The following GNAO1 variants were observed in gnomAD, a reference collection of about 807,000 sequenced individuals.
GNAO1 encodes the protein guanine nucleotide-binding protein G(o) subunit alpha.
For synonymous variants in GNAO1, 164 were observed against 180.7 expected (o/e 0.91, Z 0.74); for missense variants, 166 against 478.7 (o/e 0.35, Z 6.10).
At chr16:56,301,450 C>T (rs1290501960) in intron 3 of GNAO1, among the ~76,000 whole-genome samples, 2 of 152,206 alleles carry the variant, frequency 1.3e-5, no homozygotes, top group African/African-American at 4.8e-5. Context: ...CCTGGGCCCC[C>T]TTTTTCCTCT....
intron 2 of GNAO1, among the ~76,000 whole-genome samples, chr16:56,223,940 A>G (rs1442310191): frequency 6.6e-6 from 1 of 152,234 alleles, no homozygotes. Flanking sequence ...AACCAGAAAG[A>G]GTAAATGACT....
At chr16:56,265,693 G>A (rs955929821) in intron 2 of GNAO1, among the ~76,000 whole-genome samples, 17 of 152,200 alleles carry the variant, frequency 1.1e-4, no homozygotes, top group Non-Finnish European at 4.4e-5. Flanking sequence ...GGAGAAGTCA[G>A]GGAAAGAGGA....
At chr16:56,247,070 T>C (rs2036752717) in intron 2 of GNAO1, among the ~76,000 whole-genome samples, 1 of 152,202 alleles carries the variant, frequency 6.6e-6, no homozygotes, top group African/African-American at 2.4e-5. Context: ...CTCCCCGCAG[T>C]CTAATCCACT....
intron 6 of GNAO1, chr16:56,341,094 G>C (rs1353073357): frequency 2.3e-6 from 2 of 882,870 alleles, no homozygotes; most frequent in Non-Finnish European, 3.6e-6. Flanking sequence ...CTGCCACAGA[G>C]AATCCACACA....
intron 3 of GNAO1, among the ~76,000 whole-genome samples, chr16:56,313,491 G>T (rs2037478872): frequency 6.6e-6 from 1 of 151,860 alleles, no homozygotes. Flanking sequence ...TTACATTTTT[G>T]CAAATGTCTT....
chr16:56,281,051 G>T (rs1389489989), intron 3 of GNAO1, among the ~76,000 whole-genome samples: 1 of 152,138 alleles, frequency 6.6e-6, no homozygotes, highest in African/African-American at 2.4e-5. Flanking sequence ...TGTGCTGTGG[G>T]TGCTATTGTT....
In GNAO1 at chr16:56,356,746, A is replaced by G. The variant is rs985439341; in HGVS notation, c.*672A>G. On this transcript the variant is annotated 3_prime_UTR_variant, in exon 9 of 9. Transcript: ENST00000262493. ...CTGCCCACCGACCCCCTTTCTAAGGATAGCCTTTGTAGGGGTTTTTTGGTT... is the reference window on the plus strand; with the variant it reads ...CTGCCCACCGACCCCCTTTCTAAGGGTAGCCTTTGTAGGGGTTTTTTGGTT... 2 of 151,596 alleles carry G rather than the reference A, an allele frequency of 1.3e-5. No individual in the cohort carries two copies. The highest frequency in any genetic ancestry group is 2.4e-5 in the African/African-American group (1 of 41,104). 9.4% of individuals were successfully genotyped at this position (151,596 alleles called of 1,614,324 possible).
At chr16:56,343,577 C>G (rs1252264404) in intron 6 of GNAO1, among the ~76,000 whole-genome samples, 1 of 152,098 alleles carries the variant, frequency 6.6e-6, no homozygotes, top group African/African-American at 2.4e-5. Context: ...ATCTGTCCCA[C>G]TGACTGGATC....
intron 2 of GNAO1, among the ~76,000 whole-genome samples, chr16:56,267,565 T>C (rs2036967999): frequency 6.6e-6 from 1 of 152,156 alleles, no homozygotes; most frequent in South Asian, 2.1e-4. Context: ...TGTCCTACCT[T>C]GTCTGTCCAG....
At chr16:56,242,553 A>G (rs1224023437) in intron 2 of GNAO1, among the ~76,000 whole-genome samples, 1 of 152,248 alleles carries the variant, frequency 6.6e-6, no homozygotes. Flanking sequence ...AAGGATGTCA[A>G]GATCATTCAG....
rs138870013 is a variant in GNAO1, at chr16:56,243,449, T to C, written c.162-32482T>C. Among the ~76,000 whole-genome samples the C allele has an allele frequency of 3.3e-4, 50 of 152,238 alleles. 1 individual carries two copies. The East Asian group carries it at 9.1e-3, about 28-fold the overall frequency. On this transcript the variant is annotated intron_variant, in intron 2 of 8. Coordinates refer to ENST00000262493, the MANE Select transcript of GNAO1 (RefSeq NM_020988.3). ...TGATCAGGGATTTGTGCCCAAAATATATAAAGAACTCTTACAACTCAATAA... is the reference window on the plus strand; with the variant it reads ...TGATCAGGGATTTGTGCCCAAAATACATAAAGAACTCTTACAACTCAATAA...
chr16:56,271,369 A>G (rs2143510272), intron 2 of GNAO1, among the ~76,000 whole-genome samples: 1 of 152,380 alleles, frequency 6.6e-6, no homozygotes, highest in Middle Eastern at 3.4e-3. Flanking sequence ...TAAACCCTCA[A>G]ACATGAGCTG....
intron 2 of GNAO1, among the ~76,000 whole-genome samples, chr16:56,215,557 A>G (rs890787852): frequency 1.3e-5 from 2 of 152,198 alleles, no homozygotes; most frequent in Non-Finnish European, 2.9e-5. Flanking sequence ...CAGTACTAGG[A>G]ACATAATAAG....
intron 3 of GNAO1, among the ~76,000 whole-genome samples, chr16:56,296,852 G>A (rs1467101926): frequency 1.3e-5 from 2 of 152,130 alleles, no homozygotes; most frequent in Non-Finnish European, 1.5e-5. Context: ...TCCTTCCCTA[G>A]CAATAAAATG....
At chr16:56,308,935 G>A (rs1486344133) in intron 3 of GNAO1, among the ~76,000 whole-genome samples, 3 of 152,138 alleles carry the variant, frequency 2.0e-5, no homozygotes, top group Admixed American at 6.5e-5. Flanking sequence ...TTTTCATCAG[G>A]TCAAGTCTAA....
rs7200249 is a variant in GNAO1, at chr16:56,283,325, G to A, written c.303+7253G>A. ...ATCTCAGTCACCTACCTAAGCAGGA[G>A]GAAAGATGGGTGCCAGCTGGGCTTG... is the stretch of plus-strand genomic sequence containing the variant. On this transcript the variant is annotated intron_variant, in intron 3 of 8. Transcript: ENST00000262493. 2.1e-4 allele frequency among the ~76,000 whole-genome samples: 32 copies of A among 152,286 alleles called. No homozygotes were observed. The East Asian group carries it at 6.0e-3, about 29-fold the overall frequency.
intron 2 of GNAO1, among the ~76,000 whole-genome samples, chr16:56,242,182 G>C (rs115465392): frequency 0.013 from 1,805 of 142,222 alleles, 42 homozygotes; most frequent in African/African-American, 0.046. Context: ...CAGTGGTAGT[G>C]GTAGTAATAA....
At chr16:56,290,234 C>G (rs138638211) in intron 3 of GNAO1, among the ~76,000 whole-genome samples, 23 of 152,176 alleles carry the variant, frequency 1.5e-4, no homozygotes, top group African/African-American at 5.3e-4. Context: ...GGCCTCTTGT[C>G]CTGACTCTCA....
intron 2 of GNAO1, among the ~76,000 whole-genome samples, chr16:56,262,247 C>T (rs542127661): frequency 1.4e-4 from 22 of 152,322 alleles, no homozygotes; most frequent in African/African-American, 3.8e-4. Context: ...GAGTCACCAC[C>T]GCGCCCCACA....
Sources: gnomAD v4.1 joint callset for allele counts (sites outside exome capture counted in the v4.1 genomes callset) on GRCh38, gnomAD v4.1.1 for gene constraint, MANE v1.5 for transcripts, NCBI Gene and HGNC (gene_info 2026-07-23, HGNC 2026-07-21) for gene names.